The following ATRNL1 variants were observed in gnomAD, a reference collection of about 807,000 sequenced individuals.
The protein encoded by ATRNL1 is attractin-like protein 1.
A neutral mutation model predicts 182.7 loss-of-function variants in ATRNL1; 95 were observed. The observed-to-expected ratio is 0.52, with a 90% CI of 0.44 to 0.62. The LOEUF is 0.62. ATRNL1 is among the 20% of genes least tolerant of loss of function. The pLI, the probability that ATRNL1 is intolerant of heterozygous loss-of-function variation, is 0.00. For synonymous variants in ATRNL1, 576 were observed against 568.3 expected, an observed-to-expected ratio of 1.01 and a Z score of -0.19; for missense variants, 1,471 against 1,679.5, an observed-to-expected ratio of 0.88 and a Z score of 2.17.
At chr10:115,675,225 A>G (rs1418360680) in intron 26 of ATRNL1, among the ~76,000 whole-genome samples, 1 of 152,032 alleles carries the variant, frequency 6.6e-6, no homozygotes, top group Non-Finnish European at 1.5e-5. Flanking sequence ...TACAGAAACT[A>G]AAAAGATTAG....
intron 28 of ATRNL1, chr10:115,909,382 C>A (rs949274363): frequency 6.6e-6 from 1 of 152,144 alleles, no homozygotes; most frequent in Non-Finnish European, 1.5e-5. Flanking sequence ...GATTTTTAAA[C>A]TGCCATCAAG....
At chr10:115,324,115 C>T (rs1175024621) in intron 18 of ATRNL1, among the ~76,000 whole-genome samples, 4 of 152,046 alleles carry the variant, frequency 2.6e-5, no homozygotes, top group Non-Finnish European at 2.9e-5. Context: ...TTTAAATCAA[C>T]TCTCTCTCTT....
intron 17 of ATRNL1, among the ~76,000 whole-genome samples, chr10:115,313,047 A>G (rs1854114891): frequency 6.6e-6 from 1 of 151,376 alleles, no homozygotes; most frequent in South Asian, 2.1e-4. Context: ...GTTTTTTTAC[A>G]TTTTCTTATG....
chr10:115,707,008 A>G (rs1265387963), intron 26 of ATRNL1, among the ~76,000 whole-genome samples: 1 of 151,908 alleles, frequency 6.6e-6, no homozygotes, highest in Non-Finnish European at 1.5e-5. Context: ...ATGATTAATT[A>G]TTAATCTCAA....
At chr10:115,291,830 T>TTTTTTA (rs1287141622) in intron 15 of ATRNL1, among the ~76,000 whole-genome samples, 44 of 147,308 alleles carry the variant, frequency 3.0e-4, no homozygotes, top group African/African-American at 8.5e-4. Context: ...TTTTTTTTTT[T>TTTTTTA]AATGTCCTTG....
intron 28 of ATRNL1, among the ~76,000 whole-genome samples, chr10:115,888,454 G>A (rs965752616): frequency 9.9e-5 from 15 of 152,204 alleles, no homozygotes; most frequent in South Asian, 8.3e-4. Flanking sequence ...GGTCCTTACC[G>A]CTCTGGCTCT....
chr10:115,767,901 A>T (rs1289203454), intron 27 of ATRNL1, among the ~76,000 whole-genome samples: 1 of 152,104 alleles, frequency 6.6e-6, no homozygotes. Flanking sequence ...TGGGGATTCT[A>T]ATTCTAGACA....
intron 26 of ATRNL1, among the ~76,000 whole-genome samples, chr10:115,691,784 G>C (rs1565290485): frequency 6.6e-6 from 1 of 151,762 alleles, no homozygotes; most frequent in Admixed American, 6.6e-5. Flanking sequence ...TTAAATTTTG[G>C]GTTTTTTTCT....
At chr10:115,484,610 T>C (rs1330899863) in intron 24 of ATRNL1, among the ~76,000 whole-genome samples, 3 of 151,772 alleles carry the variant, frequency 2.0e-5, no homozygotes, top group Non-Finnish European at 4.4e-5. Context: ...AAATGCCTTC[T>C]TTGAATTCCC....
At chr10:115,481,185 T>G (rs1004060036) in intron 24 of ATRNL1, among the ~76,000 whole-genome samples, 45 of 150,492 alleles carry the variant, frequency 3.0e-4, no homozygotes, top group Admixed American at 1.6e-3. Context: ...TAACATATTG[T>G]AAACAATTTT....
intron 26 of ATRNL1, among the ~76,000 whole-genome samples, chr10:115,702,472 A>G (rs1195017457): frequency 6.6e-6 from 1 of 151,932 alleles, no homozygotes; most frequent in African/African-American, 2.4e-5. Flanking sequence ...AATAAGTCAA[A>G]TTATCTCGCT....
At chr10:115,832,968 A>G (rs2134316174) in intron 27 of ATRNL1, among the ~76,000 whole-genome samples, 1 of 152,264 alleles carries the variant, frequency 6.6e-6, no homozygotes, top group South Asian at 2.1e-4. Flanking sequence ...GACCATCACA[A>G]GTATTTTTAT....
chr10:115,509,500 G>C (rs782105235), intron 24 of ATRNL1, among the ~76,000 whole-genome samples: 4 of 151,842 alleles, frequency 2.6e-5, no homozygotes, highest in Non-Finnish European at 5.9e-5. Context: ...TGAGAGATCT[G>C]GTTGTTTAAA....
chr10:115,402,596 A>G (rs1178755150), intron 20 of ATRNL1, among the ~76,000 whole-genome samples: 1 of 152,186 alleles, frequency 6.6e-6, no homozygotes, highest in Non-Finnish European at 1.5e-5. Context: ...TTGTTGGTAG[A>G]TTAGTCAAAA....
intron 26 of ATRNL1, among the ~76,000 whole-genome samples, chr10:115,637,603 CTATTATTATTATTAT>C (rs3087071): frequency 8.5e-5 from 12 of 141,816 alleles, no homozygotes; most frequent in Middle Eastern, 3.6e-3. Flanking sequence ...CAATTTATTA[CTATTATTATTATTAT>C]TATTATTATT....
chr10:115,168,069 A>G (rs1554884738), intron 7 of ATRNL1, among the ~76,000 whole-genome samples: 1 of 152,156 alleles, frequency 6.6e-6, no homozygotes, highest in African/African-American at 2.4e-5. Flanking sequence ...CATTTCATAT[A>G]AATGAAGTCA....
chr10:115,161,186 A>C (rs1324319909), intron 6 of ATRNL1, among the ~76,000 whole-genome samples: 1 of 152,010 alleles, frequency 6.6e-6, no homozygotes, highest in East Asian at 1.9e-4. Flanking sequence ...CCTCATAATT[A>C]GGAAGATTTC....
chr10:115,302,410 T>C (rs1419431982), intron 17 of ATRNL1, among the ~76,000 whole-genome samples: 1 of 152,196 alleles, frequency 6.6e-6, no homozygotes, highest in Admixed American at 6.5e-5. Flanking sequence ...ATCTTTTCCT[T>C]ATATGACTTT....
chr10:115,556,367 C>T (rs1023305557), intron 26 of ATRNL1, among the ~76,000 whole-genome samples: 8 of 152,044 alleles, frequency 5.3e-5, no homozygotes, highest in African/African-American at 1.7e-4. Flanking sequence ...AGTTTTGCTA[C>T]GACTTATTCA....
Sources: allele counts gnomAD v4.1 joint callset (sites outside exome capture counted in the v4.1 genomes callset), GRCh38; gene constraint gnomAD v4.1.1; transcripts MANE v1.5; gene names NCBI Gene and HGNC (gene_info 2026-07-23, HGNC 2026-07-21).